CNIH3: variants seen among roughly 807,000 people sequenced by gnomAD.
CNIH3 encodes protein cornichon homolog 3.
In CNIH3, 14 loss-of-function variants were observed where a neutral mutation model predicts 24.1. That is an observed-to-expected ratio of 0.58 (90% confidence interval 0.38 to 0.91). The LOEUF (loss-of-function observed/expected upper bound fraction) is 0.91. Ranked by LOEUF, CNIH3 falls within the 40% of genes least tolerant of loss-of-function variation. CNIH3 has a pLI of 0.00. For synonymous variants in CNIH3, 68 were observed against 73.8 expected (o/e 0.92, Z 0.40); for missense variants, 178 against 196.8 (o/e 0.90, Z 0.57).
intron 1 of CNIH3, among the ~76,000 whole-genome samples, chr1:224,470,160 A>G (rs958844720): frequency 3.3e-5 from 5 of 151,840 alleles, no homozygotes; most frequent in Non-Finnish European, 7.4e-5. Context: ...CTGGGATTAC[A>G]GGCACCCGCC....
chr1:224,532,724 A>G lies in CNIH3; in HGVS notation n.344-4212A>G, dbSNP rs74582561. ...TAAATGATCTAGGAGATAAAACTAA[A>G]TGGAGTCAAGAATAACTGCAGGAAT... On this transcript the variant is annotated intron_variant and non_coding_transcript_variant, in intron 2 of 2. Coordinates refer to the CNIH3 transcript ENST00000470602. Among the ~76,000 whole-genome samples the G allele has an allele frequency of 9.9e-4, 151 of 152,374 alleles. 1 individual carries two copies. In the East Asian group the frequency reaches 0.025, roughly 25 times the overall value.
chr1:224,493,515 A>G (rs1353611351), intron 1 of CNIH3, among the ~76,000 whole-genome samples: 5 of 152,216 alleles, frequency 3.3e-5, no homozygotes, highest in Admixed American at 3.3e-4. Context: ...AGCAAAAATT[A>G]TGAAAAGTAA....
At position 224,519,007 on chromosome 1, in the gene CNIH3, A is replaced by G. The variant is rs551956701; in HGVS notation, n.16-1993A>G. Among the ~76,000 whole-genome samples the G allele has an allele frequency of 5.9e-5, 9 of 152,344 alleles. No homozygotes were observed. In the East Asian group the frequency reaches 1.7e-3, roughly 29 times the overall value. ...GTTTCATCATCCATAAAAGGAATTA[A>G]TAATAATACCTACCCCACTAGGTTG... On this transcript the variant is annotated intron_variant and non_coding_transcript_variant, in intron 1 of 2. Coordinates refer to the CNIH3 transcript ENST00000470602.
intron 2 of CNIH3, among the ~76,000 whole-genome samples, chr1:224,530,209 G>A (rs1040206651): frequency 6.6e-6 from 1 of 152,150 alleles, no homozygotes; most frequent in Admixed American, 6.5e-5. Flanking sequence ...TAGAGAATAT[G>A]CTGTAAAATC....
chr1:224,502,304 C>T (rs1441917167), intron 1 of CNIH3, among the ~76,000 whole-genome samples: 5 of 151,988 alleles, frequency 3.3e-5, no homozygotes, highest in South Asian at 2.1e-4. Context: ...TCTCTGTGAA[C>T]GTAGCTGGTC....
chr1:224,636,787 A>G (rs1684104843), intron 1 of CNIH3, among the ~76,000 whole-genome samples: 1 of 152,164 alleles, frequency 6.6e-6, no homozygotes, highest in African/African-American at 2.4e-5. Context: ...AAAAAGCGGT[A>G]CACATATAAT....
At chr1:224,640,514 C>G in intron 1 of CNIH3, among the ~76,000 whole-genome samples, 1 of 152,240 alleles carries the variant, frequency 6.6e-6, no homozygotes, top group East Asian at 1.9e-4. Context: ...TGATTCAGAG[C>G]TTAGCAGACT....
At chr1:224,594,705 C>A (rs1681905653) in intron 3 of CNIH3, among the ~76,000 whole-genome samples, 1 of 152,134 alleles carries the variant, frequency 6.6e-6, no homozygotes, top group South Asian at 2.1e-4. Context: ...AGGCTTTGGG[C>A]TCTCTAGGGA....
chr1:224,572,370 T>C (rs1225460632), intron 4 of CNIH3, among the ~76,000 whole-genome samples: 1 of 151,898 alleles, frequency 6.6e-6, no homozygotes, highest in African/African-American at 2.4e-5. Flanking sequence ...ACAAAACTTA[T>C]CTGGGCAAGG....
chr1:224,580,171 A>G (rs1430017058), intron 4 of CNIH3, among the ~76,000 whole-genome samples: 3 of 152,128 alleles, frequency 2.0e-5, no homozygotes, highest in Admixed American at 6.5e-5. Context: ...GTATCTAACT[A>G]TATCTTAAAT....
intron 1 of CNIH3, chr1:224,459,230 G>C: frequency 1.0e-6 from 1 of 981,116 alleles, no homozygotes; most frequent in Non-Finnish European, 1.2e-6. Flanking sequence ...GTGACCTTGA[G>C]GATGGATGTC....
intron 3 of CNIH3, among the ~76,000 whole-genome samples, chr1:224,556,998 A>G (rs1180324422): frequency 6.6e-6 from 1 of 152,172 alleles, no homozygotes; most frequent in African/African-American, 2.4e-5. Context: ...TGAAGGACCC[A>G]TTCTCAAACA....
Position 224,459,247 on chromosome 1 carries a change from T to A in CNIH3, n.203+24385T>A. On this transcript the variant is annotated intron_variant and non_coding_transcript_variant, in intron 1 of 5. Transcript: ENST00000471578. ...GACCTTGAGGATGGATGTCACATGC[T>A]GGAGGAAACAGAAGGCCGAAACCCT... 4.1e-6 allele frequency: 4 copies of A among 979,050 alleles called. No homozygotes were observed. The South Asian group carries it at 1.9e-4, about 46-fold the overall frequency. The allele number at this position is 979,050 out of a possible 1,614,324, so 60.6% of individuals were successfully genotyped here. A position where few individuals can be genotyped will look rare whatever the true frequency, so the allele number is the denominator to read the frequency against.
intron 3 of CNIH3, among the ~76,000 whole-genome samples, chr1:224,696,451 G>T (rs1687181798): frequency 6.6e-6 from 1 of 152,230 alleles, no homozygotes; most frequent in Non-Finnish European, 1.5e-5. Flanking sequence ...GACGGCTGCA[G>T]ATCTCTGTCT....
intron 3 of CNIH3, among the ~76,000 whole-genome samples, chr1:224,700,999 G>C (rs1687454803): frequency 6.6e-6 from 1 of 152,156 alleles, no homozygotes; most frequent in African/African-American, 2.4e-5. Context: ...GGAGATCCCA[G>C]GCACTTCACT....
chr1:224,685,539 G>T (rs903677568), intron 3 of CNIH3, among the ~76,000 whole-genome samples: 1 of 152,160 alleles, frequency 6.6e-6, no homozygotes, highest in African/African-American at 2.4e-5. Flanking sequence ...GCAACTTGCC[G>T]GTAAAATAAC....
intron 3 of CNIH3, among the ~76,000 whole-genome samples, chr1:224,608,493 C>T (rs542732972): frequency 1.3e-4 from 20 of 152,188 alleles, no homozygotes; most frequent in South Asian, 1.0e-3. Flanking sequence ...GCAGGGGGTG[C>T]GTGACTGGGG....
rs1033479836 is a variant in CNIH3, at chr1:224,693,122, A to T, written c.198+8279A>T. 2.6e-5 allele frequency among the ~76,000 whole-genome samples: 4 copies of T among 152,380 alleles called. No individual in the cohort carries two copies. In the East Asian group the frequency reaches 7.7e-4, roughly 29 times the overall value. ...TGTCTCATGTATAATTTATTTTCAG[A>T]CGCTTTCCGTGGCAAACTCCTTGTT... On this transcript the variant is annotated intron_variant, in intron 3 of 5. Coordinates refer to ENST00000272133, the MANE Select transcript of CNIH3 (RefSeq NM_152495.2).
intron 2 of CNIH3, among the ~76,000 whole-genome samples, chr1:224,530,591 C>CTT (rs776534828): frequency 6.7e-6 from 1 of 149,424 alleles, no homozygotes; most frequent in East Asian, 2.0e-4. Flanking sequence ...CCCTACATTT[C>CTT]TTTTTTTTTT....
Sources: gnomAD v4.1 joint callset for allele counts (sites outside exome capture counted in the v4.1 genomes callset) on GRCh38, gnomAD v4.1.1 for gene constraint, MANE v1.5 for transcripts, NCBI Gene and HGNC (gene_info 2026-07-23, HGNC 2026-07-21) for gene names.